The following RSRC1 variants were observed in gnomAD, a reference collection of about 807,000 sequenced individuals.
The protein encoded by RSRC1 is arginine and serine rich coiled-coil 1.
RSRC1 carries 39 observed loss-of-function variants against 49.1 expected under a neutral mutation model. The ratio of observed to expected loss-of-function variants is 0.79; its 90% CI spans 0.61 to 1.04. The LOEUF is 1.04. Among genes scored for constraint, RSRC1 ranks in the 50% least tolerant of loss-of-function variants. RSRC1 has a pLI of 0.00. For synonymous variants in RSRC1, 143 were observed against 130.8 expected (o/e 1.09, Z -0.63); for missense variants, 388 against 402.4 (o/e 0.96, Z 0.31).
intron 7 of RSRC1, among the ~76,000 whole-genome samples, chr3:158,484,765 A>G (rs1010215202): frequency 6.6e-6 from 1 of 152,112 alleles, no homozygotes; most frequent in Non-Finnish European, 1.5e-5. Flanking sequence ...ATACATAAAG[A>G]GAGACCTAAT....
At chr3:158,494,365 A>G (rs553088337) in intron 7 of RSRC1, among the ~76,000 whole-genome samples, 14 of 152,246 alleles carry the variant, frequency 9.2e-5, no homozygotes, top group Non-Finnish European at 1.9e-4. Flanking sequence ...GCACTTAACC[A>G]TAAATGGAGT....
At chr3:158,123,605 A>C (rs1271870209) in intron 2 of RSRC1, among the ~76,000 whole-genome samples, 1 of 152,184 alleles carries the variant, frequency 6.6e-6, no homozygotes, top group Non-Finnish European at 1.5e-5. Flanking sequence ...GCCTTGGTTT[A>C]GTTTTCATAC....
At chr3:158,210,527 A>G (rs1721618275) in intron 4 of RSRC1, among the ~76,000 whole-genome samples, 2 of 151,984 alleles carry the variant, frequency 1.3e-5, no homozygotes, top group African/African-American at 4.8e-5. Flanking sequence ...CAGGTAAACA[A>G]ATACATCTTT....
chr3:158,224,216 G>A (rs926320509), intron 4 of RSRC1, among the ~76,000 whole-genome samples: 3 of 151,752 alleles, frequency 2.0e-5, no homozygotes, highest in Non-Finnish European at 2.9e-5. Flanking sequence ...ACCTTTATCT[G>A]TAACTTTCAT....
chr3:158,140,584 G>T (rs1225643383), intron 3 of RSRC1, among the ~76,000 whole-genome samples: 3 of 152,154 alleles, frequency 2.0e-5, no homozygotes, highest in Admixed American at 6.5e-5. Context: ...TTGGAATTCA[G>T]ATCTAATGTA....
intron 4 of RSRC1, among the ~76,000 whole-genome samples, chr3:158,239,040 A>G (rs974894603): frequency 6.6e-6 from 1 of 152,132 alleles, no homozygotes; most frequent in Non-Finnish European, 1.5e-5. Flanking sequence ...ACCATCAAAA[A>G]GTGGGCAAAG....
chr3:158,161,189 A>G (rs1718195108), intron 3 of RSRC1, among the ~76,000 whole-genome samples: 1 of 152,168 alleles, frequency 6.6e-6, no homozygotes, highest in Non-Finnish European at 1.5e-5. Context: ...TTTATTGCTC[A>G]CAGAGACATC....
intron 8 of RSRC1, among the ~76,000 whole-genome samples, chr3:158,542,356 C>T (rs576372490): frequency 6.6e-6 from 1 of 152,166 alleles, no homozygotes; most frequent in Non-Finnish European, 1.5e-5. Context: ...CATGGCAAGA[C>T]ACCGTCTCTA....
chr3:158,394,761 G>C (rs376843136), intron 6 of RSRC1, among the ~76,000 whole-genome samples: 1 of 152,048 alleles, frequency 6.6e-6, no homozygotes, highest in Non-Finnish European at 1.5e-5. Flanking sequence ...TGGCCATACT[G>C]CACAAAAGGA....
At chr3:158,298,197 G>A in intron 5 of RSRC1, 122 bp downstream of exon 5, 2 of 732,644 alleles carry the variant, frequency 2.7e-6, no homozygotes, top group East Asian at 2.7e-5. Flanking sequence ...CAAAGGGTCA[G>A]CTTACTGTTA....
intron 1 of RSRC1, among the ~76,000 whole-genome samples, chr3:158,118,179 G>A (rs1714974547): frequency 3.3e-5 from 5 of 152,032 alleles, no homozygotes; most frequent in African/African-American, 1.2e-4. Flanking sequence ...CAAACTCCTG[G>A]ACTCAAGTGA....
intron 7 of RSRC1, among the ~76,000 whole-genome samples, chr3:158,522,305 T>A (rs1489887483): frequency 3.3e-5 from 5 of 152,130 alleles, no homozygotes; most frequent in Non-Finnish European, 7.4e-5. Flanking sequence ...AGGCCTACTT[T>A]ACTTTTTTTT....
At chr3:158,355,906 T>C (rs2108241328) in intron 6 of RSRC1, among the ~76,000 whole-genome samples, 1 of 151,908 alleles carries the variant, frequency 6.6e-6, no homozygotes, top group East Asian at 1.9e-4. Context: ...TGTATCTAGA[T>C]ACACACACAC....
In RSRC1 at chr3:158,370,624, CT is replaced by C. The variant is rs552409289; in HGVS notation, c.583+15717del. Among the ~76,000 whole-genome samples, 32 of 151,646 alleles carry C rather than the reference CT, an allele frequency of 2.1e-4. No individual in the cohort carries two copies. In the East Asian group the frequency reaches 6.0e-3, roughly 28 times the overall value. ...TGCTGAATAGTATTTCATTGTCTGG[CT>C]ATACCAGTTTGTTTATTCATTCAGC... On this transcript the variant is annotated intron_variant, in intron 6 of 9. Transcript: ENST00000611884.
intron 7 of RSRC1, among the ~76,000 whole-genome samples, chr3:158,471,308 G>A (rs1738125503): frequency 6.6e-6 from 1 of 152,152 alleles, no homozygotes; most frequent in African/African-American, 2.4e-5. Context: ...GTGACTTTGG[G>A]TGAATCATTC....
At chr3:158,438,870 G>A (rs1736202095) in intron 6 of RSRC1, among the ~76,000 whole-genome samples, 1 of 109,056 alleles carries the variant, frequency 9.2e-6, no homozygotes, top group Non-Finnish European at 2.0e-5. Context: ...ACTACTATCG[G>A]AGTGACAGGC....
At chr3:158,342,558 A>G (rs948735608) in intron 5 of RSRC1, among the ~76,000 whole-genome samples, 1 of 152,172 alleles carries the variant, frequency 6.6e-6, no homozygotes, top group Non-Finnish European at 1.5e-5. Context: ...TTCTGTTCCC[A>G]GTTTCAGGTT....
intron 6 of RSRC1, among the ~76,000 whole-genome samples, chr3:158,433,344 G>A (rs1049708810): frequency 1.3e-5 from 2 of 151,982 alleles, no homozygotes; most frequent in African/African-American, 2.4e-5. Context: ...TTTGGAGAAA[G>A]TGAGTCATTT....
intron 7 of RSRC1, among the ~76,000 whole-genome samples, chr3:158,511,792 C>A (rs950917323): frequency 4.6e-5 from 7 of 151,838 alleles, no homozygotes; most frequent in African/African-American, 1.7e-4. Context: ...CTGTTGTTTC[C>A]TAACTTTTTA....
Sources: gnomAD v4.1 joint callset for allele counts (sites outside exome capture counted in the v4.1 genomes callset) on GRCh38, gnomAD v4.1.1 for gene constraint, MANE v1.5 for transcripts, NCBI Gene and HGNC (gene_info 2026-07-23, HGNC 2026-07-21) for gene names.